Variants in RGS12 observed in about 807,000 individuals in gnomAD.
RGS12 encodes regulator of G-protein signaling 12.
Under a neutral mutation model 120.1 loss-of-function variants are expected in RGS12, and 66 were observed. The observed-to-expected ratio is 0.55, with a 90% CI of 0.45 to 0.67. RGS12 has a LOEUF of 0.67. Among genes scored for constraint, RGS12 ranks in the 30% least tolerant of loss-of-function variants. The pLI, the probability that RGS12 is intolerant of heterozygous loss-of-function variation, is 0.00. For missense variants in RGS12, 1,859 were observed against 1,957.7 expected (o/e 0.95, Z 0.95); for synonymous variants, 827 against 804.7 (o/e 1.03, Z -0.47).
chr4:3,361,311 CG>C (rs1715536523), intron 3 of RGS12, among the ~76,000 whole-genome samples: 1 of 152,118 alleles, frequency 6.6e-6, no homozygotes, highest in South Asian at 2.1e-4. Flanking sequence ...GTGAGGGCTA[CG>C]TGGGCTTCAC....
chr4:3,410,477 C>G (rs1258081023), intron 4 of RGS12, among the ~76,000 whole-genome samples: 1 of 139,670 alleles, frequency 7.2e-6, no homozygotes, highest in Non-Finnish European at 1.6e-5. Flanking sequence ...GTATTCTGTG[C>G]CTTTGGGGGG....
intron 4 of RGS12, among the ~76,000 whole-genome samples, chr4:3,408,248 A>C (rs1406353155): frequency 6.6e-6 from 1 of 152,220 alleles, no homozygotes; most frequent in Non-Finnish European, 1.5e-5. Flanking sequence ...AGTGCTGCTC[A>C]GGGTTCAAGG....
At chr4:3,337,736 C>G (rs1180213486) in intron 2 of RGS12, among the ~76,000 whole-genome samples, 1 of 152,132 alleles carries the variant, frequency 6.6e-6, no homozygotes, top group South Asian at 2.1e-4. Flanking sequence ...GAGCTTCGTT[C>G]TGGGAAGATG....
intron 2 of RGS12, among the ~76,000 whole-genome samples, chr4:3,323,566 T>A (rs1725349947): frequency 6.6e-6 from 1 of 152,228 alleles, no homozygotes; most frequent in African/African-American, 2.4e-5. Context: ...TATATCAATT[T>A]TAAAAACTCT....
At chr4:3,388,550 C>T (rs1005436612) in intron 4 of RGS12, among the ~76,000 whole-genome samples, 1 of 152,290 alleles carries the variant, frequency 6.6e-6, no homozygotes, top group Non-Finnish European at 1.5e-5. Flanking sequence ...AAAGCCCTGG[C>T]TGAGAGGCCC....
At chr4:3,334,810 G>A (rs920564234) in intron 2 of RGS12, among the ~76,000 whole-genome samples, 1 of 152,098 alleles carries the variant, frequency 6.6e-6, no homozygotes, top group Non-Finnish European at 1.5e-5. Context: ...GTGGCAGATT[G>A]TTCTGACAGC....
In RGS12 at chr4:3,366,437, C is replaced by T. The variant is rs556852871; in HGVS notation, c.1999-19979C>T. ...GGGCCTGTGCTCATATCTGTGAGCT[C>T]TGCAGATGTCTCCCGGGCACAGTCA... On this transcript the variant is annotated intron_variant, in intron 3 of 17. Coordinates refer to ENST00000336727, the MANE Select transcript of RGS12 (RefSeq NM_001394154.1). This position sits in a 1 kb window ranked among gnomAD's most constrained non-coding sequence, Gnocchi z 4.0. Among the ~76,000 whole-genome samples the T allele has an allele frequency of 6.6e-6, 1 of 152,214 alleles. No individual in the cohort carries two copies. The highest frequency in any genetic ancestry group is 2.1e-4 in the South Asian group (1 of 4,826).
chr4:3,332,384 T>C (rs1226491624), intron 2 of RGS12, among the ~76,000 whole-genome samples: 1 of 152,264 alleles, frequency 6.6e-6, no homozygotes, highest in Non-Finnish European at 1.5e-5. Context: ...TCCATGATGT[T>C]ATTGGTAGTC....
At chr4:3,329,096 A>G (rs1025902184) in intron 2 of RGS12, among the ~76,000 whole-genome samples, 75 of 152,312 alleles carry the variant, frequency 4.9e-4, no homozygotes, top group African/African-American at 4.6e-4. Flanking sequence ...CGAGCTGCAC[A>G]CTGCGAGCAT....
rs867453879 is a variant in RGS12 at position 3,313,821 on chromosome 4, A to C, written c.-101-2249A>C. ...CACAGGCGCACCCCACACTCTCCCC[A>C]TCTCTAGAGCCTTCACGTGGTCACG... On this transcript the variant is annotated intron_variant, in intron 1 of 17. Transcript: ENST00000336727. Among the ~76,000 whole-genome samples the C allele has an allele frequency of 3.9e-4, 60 of 152,142 alleles. No individual in the cohort carries two copies. In the Middle Eastern group the frequency reaches 0.01, roughly 26 times the overall value.
At chr4:3,416,353 T>G (rs1192375408) in intron 7 of RGS12, among the ~76,000 whole-genome samples, 1 of 152,178 alleles carries the variant, frequency 6.6e-6, no homozygotes, top group East Asian at 1.9e-4. Flanking sequence ...CGTGTCTGTC[T>G]GCAATGAGCC....
At chr4:3,332,820 G>A (rs1237790884) in intron 2 of RGS12, among the ~76,000 whole-genome samples, 1 of 152,186 alleles carries the variant, frequency 6.6e-6, no homozygotes, top group Non-Finnish European at 1.5e-5. Flanking sequence ...TACACTTTGT[G>A]TCTTTTATAT....
chr4:3,290,833 C>T (rs937888068), upstream of RGS12, among the ~76,000 whole-genome samples: 1 of 152,218 alleles, frequency 6.6e-6, no homozygotes, highest in Non-Finnish European at 1.5e-5. Context: ...CTGTGTCTAG[C>T]CCCTCCAGAT....
At chr4:3,413,886 T>G (rs1357299454) in intron 4 of RGS12, 186 bp from the exon 5 acceptor site, 1 of 605,512 alleles carries the variant, frequency 1.7e-6, no homozygotes, top group African/African-American at 1.8e-5. Flanking sequence ...TTTTGTTCCC[T>G]GCTCCATCCC....
Position 3,316,500 on chromosome 4 carries a change from A to AGG in RGS12, c.334_335dup (p.Leu113AspfsTer9), listed in dbSNP as rs1260258958. On this transcript the variant is annotated frameshift_variant, in exon 2 of 18. Transcript: ENST00000336727. LOFTEE classifies it high-confidence loss of function. ...TCGAATCCTGTTCCAGTGATGAAGAAGGGGGACTCTATGAAGGAAAAGGCT... is the reference window on the plus strand; with the variant it reads ...TCGAATCCTGTTCCAGTGATGAAGAAGGGGGGGACTCTATGAAGGAAAAGGCT... The AGG allele has an allele frequency of 8.7e-6, 14 of 1,614,182 alleles. No individual in the cohort carries two copies. Among genetic ancestry groups the AGG allele is most frequent in the Non-Finnish European group, 1.2e-5 (14 of 1,180,034 alleles).
chr4:3,394,742 CAT>C (rs1339920418), intron 4 of RGS12, among the ~76,000 whole-genome samples: 10 of 152,188 alleles, frequency 6.6e-5, no homozygotes, highest in African/African-American at 1.2e-4. Flanking sequence ...AGAATGAACA[CAT>C]GTGTGTTATC....
At chr4:3,360,842 A>T (rs2108840209) in intron 3 of RGS12, among the ~76,000 whole-genome samples, 1 of 152,346 alleles carries the variant, frequency 6.6e-6, no homozygotes, top group East Asian at 1.9e-4. Flanking sequence ...CATGAGAATG[A>T]CAAACGGCTC....
chr4:3,312,073 C>T (rs1724435704), intron 1 of RGS12, among the ~76,000 whole-genome samples: 1 of 152,040 alleles, frequency 6.6e-6, no homozygotes, highest in Non-Finnish European at 1.5e-5. Context: ...CCTGGCCTTG[C>T]CCCAGACTTA....
intron 4 of RGS12, among the ~76,000 whole-genome samples, 179 bp downstream of exon 4, chr4:3,386,616 C>G (rs1435991841): frequency 6.6e-6 from 1 of 152,042 alleles, no homozygotes; most frequent in Admixed American, 6.6e-5. Context: ...CCCAGGTGGC[C>G]TCGGCGTGTG....
Sources: gnomAD v4.1 joint callset for allele counts (sites outside exome capture counted in the v4.1 genomes callset) on GRCh38, gnomAD v4.1.1 for gene constraint, Gnocchi (gnomAD v3.1) non-coding constraint, MANE v1.5 for transcripts, NCBI Gene and HGNC (gene_info 2026-07-23, HGNC 2026-07-21) for gene names.